The following JPH3 variants were observed in gnomAD, a reference collection of about 807,000 sequenced individuals.
JPH3 encodes junctophilin 3, also known as junctophilin-3.
JPH3 carries 11 observed loss-of-function variants against 59.6 expected under a neutral mutation model. The ratio of observed to expected loss-of-function variants is 0.18; its 90% confidence interval spans 0.12 to 0.31. The LOEUF is 0.31. Among genes scored for constraint, JPH3 ranks in the 10% least tolerant of loss-of-function variants. JPH3 has a pLI of 1.00. For missense variants in JPH3, 1,202 were observed against 1,105.7 expected (o/e 1.09, Z -1.24); for synonymous variants, 673 against 483.6 (o/e 1.39, Z -5.14).
At chr16:87,627,433 G>A (rs988071717) in intron 1 of JPH3, among the ~76,000 whole-genome samples, 8 of 152,216 alleles carry the variant, frequency 5.3e-5, no homozygotes, top group African/African-American at 1.7e-4. Flanking sequence ...GACCACCCAT[G>A]GATTTTATGT....
chr16:87,639,797 A>G (rs1431365847), intron 1 of JPH3, among the ~76,000 whole-genome samples: 2 of 152,242 alleles, frequency 1.3e-5, no homozygotes, highest in Non-Finnish European at 2.9e-5. Flanking sequence ...ATTCCACTGC[A>G]TGACGGCCTC....
chr16:87,646,653 C>T (rs1164039919), intron 2 of JPH3, among the ~76,000 whole-genome samples: 2 of 152,164 alleles, frequency 1.3e-5, no homozygotes, highest in Non-Finnish European at 2.9e-5. Flanking sequence ...TTTTGTTTTT[C>T]GACCCTTTCT....
chr16:87,667,978 C>G (rs954807001), intron 2 of JPH3, among the ~76,000 whole-genome samples: 1 of 152,004 alleles, frequency 6.6e-6, no homozygotes, highest in Admixed American at 6.5e-5. Context: ...AAATCCTGAG[C>G]GCACACCGGC....
chr16:87,692,138 C>T (rs569125840), intron 4 of JPH3, among the ~76,000 whole-genome samples: 62 of 152,220 alleles, frequency 4.1e-4, no homozygotes, highest in Middle Eastern at 6.8e-3. Context: ...CTGGAGGATG[C>T]CAGCTGAGCT....
intron 1 of JPH3, among the ~76,000 whole-genome samples, chr16:87,627,809 C>T (rs1351382017): frequency 6.6e-6 from 1 of 152,128 alleles, no homozygotes; most frequent in African/African-American, 2.4e-5. Flanking sequence ...CGGGTTTTCT[C>T]CTTGGAGAGG....
intron 2 of JPH3, among the ~76,000 whole-genome samples, chr16:87,678,709 G>A (rs148186744): frequency 7.0e-4 from 106 of 152,352 alleles, no homozygotes; most frequent in African/African-American, 2.3e-3. Flanking sequence ...AGGATCTGCA[G>A]ATGAGATTCT....
intron 1 of JPH3, among the ~76,000 whole-genome samples, chr16:87,637,562 G>A (rs1484192042): frequency 2.0e-5 from 3 of 152,106 alleles, no homozygotes; most frequent in Non-Finnish European, 2.9e-5. Context: ...CACGTGCTGC[G>A]CTGACGTGGA....
At chr16:87,625,391 G>C (rs1395793426) in intron 1 of JPH3, among the ~76,000 whole-genome samples, 1 of 152,144 alleles carries the variant, frequency 6.6e-6, no homozygotes, top group Non-Finnish European at 1.5e-5. Context: ...CCAGCCCCCA[G>C]CAGCTCGCAG....
chr16:87,637,661 G>T (rs112927505), intron 1 of JPH3, among the ~76,000 whole-genome samples: 1 of 152,122 alleles, frequency 6.6e-6, no homozygotes, highest in Non-Finnish European at 1.5e-5. Context: ...CTTTCTCGGG[G>T]ACAACCCTGG....
intron 2 of JPH3, among the ~76,000 whole-genome samples, chr16:87,677,341 C>G (rs1469147020): frequency 1.3e-5 from 2 of 152,014 alleles, no homozygotes; most frequent in African/African-American, 2.4e-5. Flanking sequence ...CGTGATCATG[C>G]CACTGTACTG....
intron 1 of JPH3, among the ~76,000 whole-genome samples, chr16:87,626,774 G>A (rs2031393969): frequency 6.6e-6 from 1 of 152,214 alleles, no homozygotes; most frequent in Non-Finnish European, 1.5e-5. Flanking sequence ...TGGGACCAAG[G>A]GATTCTCAAG....
rs560200860 is a variant in JPH3 at position 87,634,629 on chromosome 16, G to A, written c.383-9629G>A. Among the ~76,000 whole-genome samples, 5 of 152,366 alleles carry A rather than the reference G, an allele frequency of 3.3e-5. No homozygotes were observed. In the East Asian group the frequency reaches 9.6e-4, roughly 29 times the overall value. ...GGCCCAGGCTGGTGGATCTAATTGG[G>A]ATTTGGTAAGCTGTGACGGGAGGGG... On this transcript the variant is annotated intron_variant, in intron 1 of 4. Coordinates refer to ENST00000284262, the MANE Select transcript of JPH3 (RefSeq NM_020655.4).
chr16:87,644,104 C>G (rs1158887451), intron 1 of JPH3, among the ~76,000 whole-genome samples, 154 bp from the exon 2 acceptor site: 3 of 152,236 alleles, frequency 2.0e-5, no homozygotes, highest in South Asian at 4.1e-4. Context: ...TCTCACTGCA[C>G]TCCAGCCTGG....
At chr16:87,662,194 C>G (rs2032726398) in intron 2 of JPH3, among the ~76,000 whole-genome samples, 1 of 152,206 alleles carries the variant, frequency 6.6e-6, no homozygotes, top group South Asian at 2.1e-4. Context: ...AGCCTGGGCT[C>G]TGCTGCTGTT....
intron 4 of JPH3, among the ~76,000 whole-genome samples, chr16:87,692,200 C>CCCCCCCGT (rs2033605535): frequency 6.6e-6 from 1 of 152,006 alleles, no homozygotes; most frequent in Admixed American, 6.6e-5. Flanking sequence ...ACAAGGTTTC[C>CCCCCCCGT]CTCCCTGTCT....
chr16:87,634,007 C>T (rs1431192651), intron 1 of JPH3, among the ~76,000 whole-genome samples: 6 of 152,114 alleles, frequency 3.9e-5, no homozygotes, highest in East Asian at 3.9e-4. Flanking sequence ...GAATACCTTG[C>T]GGCATAGGAT....
chr16:87,679,605 C>T (rs759752104), intron 2 of JPH3, among the ~76,000 whole-genome samples: 8 of 152,232 alleles, frequency 5.3e-5, no homozygotes, highest in Non-Finnish European at 1.2e-4. Context: ...GTCCCCCGGA[C>T]GCATTCATCC....
chr16:87,685,623 G>A (rs2033398542), intron 3 of JPH3, among the ~76,000 whole-genome samples: 1 of 152,270 alleles, frequency 6.6e-6, no homozygotes, highest in Admixed American at 6.5e-5. Flanking sequence ...GAGGAAGCCA[G>A]TGCCGTCGGG....
At chr16:87,659,318 A>C (rs1466214558) in intron 2 of JPH3, among the ~76,000 whole-genome samples, 1 of 146,138 alleles carries the variant, frequency 6.8e-6, no homozygotes, top group Non-Finnish European at 1.5e-5. Context: ...CGGAGGTTGC[A>C]CTGAGCCAAG....
Sources: allele counts gnomAD v4.1 joint callset (sites outside exome capture counted in the v4.1 genomes callset), GRCh38; gene constraint gnomAD v4.1.1; transcripts MANE v1.5; gene names NCBI Gene and HGNC (gene_info 2026-07-23, HGNC 2026-07-21).